ATXN7: variants seen among roughly 807,000 people sequenced by gnomAD.
ATXN7 encodes the protein ataxin-7.
ATXN7 carries 12 observed loss-of-function variants against 70.5 expected under a neutral mutation model. The ratio of observed to expected loss-of-function variants is 0.17; its 90% CI spans 0.11 to 0.28. ATXN7 has a LOEUF of 0.28. Among genes scored for constraint, ATXN7 ranks in the 10% least tolerant of loss-of-function variants. The pLI, the probability that ATXN7 is intolerant of heterozygous loss-of-function variation, is 1.00. For synonymous variants in ATXN7, 498 were observed against 448.7 expected (o/e 1.11, Z -1.39); for missense variants, 1,256 against 1,131.7 (o/e 1.11, Z -1.58).
chr3:63,925,247 C>T (rs1702998381), intron 4 of ATXN7, among the ~76,000 whole-genome samples: 1 of 152,074 alleles, frequency 6.6e-6, no homozygotes, highest in Non-Finnish European at 1.5e-5. Flanking sequence ...AGTATCCAGT[C>T]AAGGATACAG....
Position 63,991,165 on chromosome 3 carries a change from C to T in ATXN7, c.1682+306C>T, listed in dbSNP as rs560711461. ...AAGAATAAGGAGATGATAGCTTGTCCTAAGTGACAGAATGGAAACAATAAC... is the reference window on the plus strand; with the variant it reads ...AAGAATAAGGAGATGATAGCTTGTCTTAAGTGACAGAATGGAAACAATAAC... On this transcript the variant is annotated intron_variant, in intron 11 of 12. Coordinates refer to ENST00000674280, the MANE Select transcript of ATXN7 (RefSeq NM_001377405.1). 3.6e-4 allele frequency among the ~76,000 whole-genome samples: 55 copies of T among 152,206 alleles called. 3 individuals are homozygous for T. The South Asian group carries it at 0.011, about 31-fold the overall frequency.
intron 12 of ATXN7, among the ~76,000 whole-genome samples, chr3:63,997,196 T>C (rs1383674614): frequency 6.6e-6 from 1 of 152,076 alleles, no homozygotes; most frequent in Non-Finnish European, 1.5e-5. Context: ...AGGCGGAAGT[T>C]GCAGTGAGCC....
At chr3:63,877,987 G>A (rs1003700542) in intron 1 of ATXN7, among the ~76,000 whole-genome samples, 5 of 152,194 alleles carry the variant, frequency 3.3e-5, no homozygotes, top group African/African-American at 1.2e-4. Context: ...GACAGGCAAG[G>A]CTGAGCACAG....
intron 11 of ATXN7, among the ~76,000 whole-genome samples, chr3:63,991,849 C>T (rs1442517351): frequency 6.6e-6 from 1 of 151,756 alleles, no homozygotes; most frequent in Non-Finnish European, 1.5e-5. Flanking sequence ...CTGTTTTTTA[C>T]TGCAGAACTT....
intron 1 of ATXN7, among the ~76,000 whole-genome samples, chr3:63,869,469 G>A (rs1455296585): frequency 6.6e-6 from 1 of 152,006 alleles, no homozygotes; most frequent in Non-Finnish European, 1.5e-5. Context: ...TGTTGCCAAG[G>A]CTGGAGTGCA....
At position 63,954,359 on chromosome 3, in the gene ATXN7, A is replaced by G. The variant is rs554024701; in HGVS notation, c.499+1876A>G. ...AGCAAGCACAGGAGCAGGAAATTCCAGGCTCTCTGGGATGTGCTGCACGAG... is the reference window on the plus strand; with the variant it reads ...AGCAAGCACAGGAGCAGGAAATTCCGGGCTCTCTGGGATGTGCTGCACGAG... On this transcript the variant is annotated intron_variant, in intron 5 of 12. Transcript: ENST00000674280. 3.3e-5 allele frequency among the ~76,000 whole-genome samples: 5 copies of G among 152,344 alleles called. No individual in the cohort carries two copies. The South Asian group carries it at 1.0e-3, about 32-fold the overall frequency.
At chr3:63,873,317 G>A (rs1702650492) in intron 1 of ATXN7, among the ~76,000 whole-genome samples, 1 of 152,166 alleles carries the variant, frequency 6.6e-6, no homozygotes, top group Admixed American at 6.5e-5. Flanking sequence ...CAATGCCAAA[G>A]AATCAGGCTT....
Position 63,912,906 on chromosome 3 carries a change from A to T in ATXN7, c.308A>T (p.Lys103Ile). 6.2e-7 allele frequency: 1 copy of T among 1,611,396 alleles called. No individual in the cohort carries two copies. The highest frequency in any genetic ancestry group is 8.5e-7 in the Non-Finnish European group (1 of 1,178,668). ...QSWNLWVEAS[K>I]LPGKDGTELD... ...TGGAATCTGTGGGTTGAGGCTTCCAAACTTCCTGGGAAGGACGGTGAGTGT... is the reference window on the plus strand; with the variant it reads ...TGGAATCTGTGGGTTGAGGCTTCCATACTTCCTGGGAAGGACGGTGAGTGT... Residue 103 changes from lysine (K) to isoleucine (I), a missense_variant, in exon 3 of 13, where the codon AAA becomes ATA. Transcript: ENST00000674280.
Position 63,913,262 on chromosome 3 carries a change from C to T in ATXN7, c.394+37C>T, listed in dbSNP as rs199882135. ...CCCCCTGATGGAGTTTGTACAAACC[C>T]CTGGGAAGTTTCATTGACAGTTCAC... On this transcript the variant is annotated intron_variant, in intron 4 of 12. Transcript: ENST00000674280. 7.5e-6 allele frequency: 12 copies of T among 1,593,222 alleles called. No individual in the cohort carries two copies. The East Asian group carries it at 2.5e-4, about 33-fold the overall frequency.
chr3:63,985,294 C>G (rs1048450782), intron 8 of ATXN7, among the ~76,000 whole-genome samples: 1 of 152,060 alleles, frequency 6.6e-6, no homozygotes, highest in Non-Finnish European at 1.5e-5. Flanking sequence ...GATATATGCT[C>G]CCCTTGTCGT....
intron 4 of ATXN7, among the ~76,000 whole-genome samples, chr3:63,945,458 G>A (rs1046090307): frequency 6.6e-6 from 1 of 152,182 alleles, no homozygotes; most frequent in Non-Finnish European, 1.5e-5. Flanking sequence ...GAAGACTATT[G>A]AACTTGAACT....
intron 12 of ATXN7, among the ~76,000 whole-genome samples, chr3:63,997,336 C>T (rs1226064032): frequency 6.6e-6 from 1 of 152,146 alleles, no homozygotes; most frequent in South Asian, 2.1e-4. Flanking sequence ...TTTCTCTTCC[C>T]GTTTTTGAGG....
At chr3:63,883,586 A>T (rs1702984377) in intron 1 of ATXN7, among the ~76,000 whole-genome samples, 3 of 152,168 alleles carry the variant, frequency 2.0e-5, no homozygotes, top group Non-Finnish European at 4.4e-5. Flanking sequence ...TGCAAATAAG[A>T]TAGGTGTGAC....
chr3:63,903,607 G>T (rs1351859560), intron 2 of ATXN7: 2 of 152,132 alleles, frequency 1.3e-5, no homozygotes, highest in Non-Finnish European at 2.9e-5. Flanking sequence ...CTAACACACT[G>T]AGCACTTAAT....
In ATXN7 at chr3:63,912,687, A is replaced by G. The variant is rs879074992; in HGVS notation, c.89A>G (p.Gln30Arg). 359 of 932,170 alleles carry G rather than the reference A, an allele frequency of 3.9e-4. No homozygotes were observed. Among genetic ancestry groups the G allele is most frequent in the Middle Eastern group, 9.4e-4 (2 of 2,130 alleles). 57.7% of individuals were successfully genotyped at this position (932,170 alleles called of 1,614,324 possible). A position where few individuals can be genotyped will look rare whatever the true frequency, so the allele number is the denominator to read the frequency against. The stretch of plus-strand genomic sequence containing the variant: ...GGAGCAGCGGCCGCGGCCGCCCGGC[A>G]GCAGCAGCAGCAGCAGCAGCAGCAG... ...AGGAAAAAAR[Q>R]QQQQQQQQQP... is the part of the protein sequence containing the mutation. The change falls in exon 3 of 13, where the codon CAG (glutamine) becomes CGG (arginine). Residue 30 changes from glutamine to arginine, a missense_variant. Physicochemically the swap from Gln to Arg is conservative, Grantham distance 43. Transcript: ENST00000674280.
upstream of ATXN7, chr3:63,863,214 G>A (rs1231503294): frequency 3.9e-5 from 6 of 154,146 alleles, no homozygotes; most frequent in Admixed American, 1.3e-4. Flanking sequence ...TTCCCAATAT[G>A]CCCCAGGACC....
At chr3:63,866,552 A>C (rs1702436816) in intron 1 of ATXN7, among the ~76,000 whole-genome samples, 1 of 152,312 alleles carries the variant, frequency 6.6e-6, no homozygotes. Flanking sequence ...CACTGTGTCC[A>C]GCCTGAAAGT....
At position 63,988,218 on chromosome 3, in the gene ATXN7, C is replaced by G; in HGVS notation, c.1255C>G (p.Pro419Ala). 6.2e-7 allele frequency: 1 copy of G among 1,614,088 alleles called. No homozygotes were observed. Residue 419 changes from proline to alanine, a missense_variant, in exon 9 of 13, where the codon CCT becomes GCT. Transcript: ENST00000674280. ...TCTCAGGGACCCGCATCCCGCCCCT[C>G]CTAGAACGTCACAGGAGCCGCACCA... ...QPLRDPHPAP[P>A]RTSQEPHQNP...
At position 63,935,446 on chromosome 3, in the gene ATXN7, T is replaced by A. The variant is rs149361885; in HGVS notation, c.395-16933T>A. Among the ~76,000 whole-genome samples, 559 of 152,236 alleles carry A rather than the reference T, an allele frequency of 3.7e-3. 5 individuals carry two copies. The highest frequency in any genetic ancestry group is 0.012 in the African/African-American group (517 of 41,534). On this transcript the variant is annotated intron_variant, in intron 4 of 12. Transcript: ENST00000674280. The stretch of plus-strand genomic sequence containing the variant: ...CATTTAAGGGTACATTAAAAAAAAA[T>A]TATTCCCCCAAAGCTATTCACACAC...
Sources: allele counts gnomAD v4.1 joint callset (sites outside exome capture counted in the v4.1 genomes callset), GRCh38; gene constraint gnomAD v4.1.1; transcripts MANE v1.5; gene names NCBI Gene and HGNC (gene_info 2026-07-23, HGNC 2026-07-21).